Variants in PALD1 observed in about 807,000 individuals in gnomAD.
The protein encoded by PALD1 is paladin.
A neutral mutation model predicts 96.0 loss-of-function variants in PALD1; 57 were observed. The ratio of observed to expected loss-of-function variants is 0.59; its 90% confidence interval spans 0.48 to 0.74. The LOEUF (loss-of-function observed/expected upper bound fraction) is 0.74. Ranked by LOEUF, PALD1 falls within the 30% of genes least tolerant of loss-of-function variation. The pLI is 0.00. For synonymous variants in PALD1, 464 were observed against 473.6 expected (o/e 0.98, Z 0.26); for missense variants, 1,063 against 1,143.7 (o/e 0.93, Z 1.02).
chr10:70,469,974 A>C, the PALD1 span, among the ~76,000 whole-genome samples: 2 of 152,008 alleles, frequency 1.3e-5, no homozygotes, highest in East Asian at 3.9e-4. Context: ...TTGTATTTTT[A>C]GTAGGAACAG....
At chr10:70,510,538 A>G (rs115259156) in intron 1 of PALD1, among the ~76,000 whole-genome samples, 1 of 152,306 alleles carries the variant, frequency 6.6e-6, no homozygotes, top group African/African-American at 2.4e-5. Context: ...GACAGGAGCC[A>G]GCCTTTTTCA....
At chr10:70,489,751 A>C (rs1255540718) in intron 1 of PALD1, among the ~76,000 whole-genome samples, 2 of 152,038 alleles carry the variant, frequency 1.3e-5, no homozygotes, top group Non-Finnish European at 2.9e-5. Flanking sequence ...GTCTCACCAC[A>C]GTCTAATTTT....
At chr10:70,501,744 C>A (rs1846298771) in intron 1 of PALD1, among the ~76,000 whole-genome samples, 1 of 151,300 alleles carries the variant, frequency 6.6e-6, no homozygotes, top group Non-Finnish European at 1.5e-5. Context: ...CATCTGAGAT[C>A]CCATTTTTCA....
intron 12 of PALD1, 95 bp from the exon 13 acceptor site, chr10:70,538,797 C>T (rs752962831): frequency 9.7e-7 from 1 of 1,026,978 alleles, no homozygotes; most frequent in Non-Finnish European, 1.5e-6. Context: ...AGCTCGGGTT[C>T]CACCCCACCC....
the PALD1 span, among the ~76,000 whole-genome samples, chr10:70,462,325 G>A: frequency 1.3e-5 from 2 of 152,250 alleles, no homozygotes; most frequent in African/African-American, 4.8e-5. Flanking sequence ...TCCTAGTTGT[G>A]AGGCTTAGGC....
In PALD1 at chr10:70,566,694, C is replaced by T; in HGVS notation, c.2532C>T (p.Ser844=). The change falls in exon 20 of 20, where the codon AGC becomes AGT. Residue 844 remains serine (S), a synonymous_variant. Coordinates refer to ENST00000263563, the MANE Select transcript of PALD1 (RefSeq NM_014431.3). ...SRLRYRWQEQ[S]CSLEPSAPED... is the part of the protein sequence containing the mutation. Reference sequence around the variant, plus strand: ...TGCGCTACCGGTGGCAGGAGCAGAGCTGCAGCCTCGAGCCCTCTGCCCCCG... The same window carrying T: ...TGCGCTACCGGTGGCAGGAGCAGAGTTGCAGCCTCGAGCCCTCTGCCCCCG... The T allele has an allele frequency of 6.2e-7, 1 of 1,606,568 alleles. No homozygotes were observed. Among genetic ancestry groups the T allele is most frequent in the Non-Finnish European group, 8.5e-7 (1 of 1,177,918 alleles).
the PALD1 span, among the ~76,000 whole-genome samples, chr10:70,470,377 A>G: frequency 6.6e-6 from 1 of 151,756 alleles, no homozygotes; most frequent in Non-Finnish European, 1.5e-5. Flanking sequence ...GGTGTAAAAA[A>G]CTCAACTATG....
At chr10:70,469,538 G>A in the PALD1 span, among the ~76,000 whole-genome samples, 10 of 152,192 alleles carry the variant, frequency 6.6e-5, no homozygotes, top group South Asian at 2.1e-4. Context: ...AGAGGTGAGC[G>A]GGCTGATAAG....
chr10:70,526,811 A>G (rs189048812), intron 2 of PALD1, among the ~76,000 whole-genome samples: 1 of 152,284 alleles, frequency 6.6e-6, no homozygotes, highest in East Asian at 1.9e-4. Context: ...TGTACTTTCC[A>G]CACCTCTGCC....
chr10:70,487,563 A>G (rs1846033544), intron 1 of PALD1, among the ~76,000 whole-genome samples: 1 of 152,072 alleles, frequency 6.6e-6, no homozygotes, highest in Non-Finnish European at 1.5e-5. Flanking sequence ...ATTTAGAGGC[A>G]TTTAGTATAG....
At chr10:70,548,405 C>T (rs538148309) in intron 18 of PALD1, among the ~76,000 whole-genome samples, 2 of 152,214 alleles carry the variant, frequency 1.3e-5, no homozygotes, top group Non-Finnish European at 2.9e-5. Context: ...CCCAATACTC[C>T]CTGCTCTGTT....
chr10:70,510,976 A>G (rs1589187173), intron 1 of PALD1, among the ~76,000 whole-genome samples: 2 of 151,988 alleles, frequency 1.3e-5, no homozygotes, highest in Admixed American at 1.3e-4. Context: ...CGTTCTGTGA[A>G]CCACACACTT....
chr10:70,541,067 C>A lies in PALD1; in HGVS notation c.1909-35C>A, dbSNP rs370084946. On this transcript the variant is annotated intron_variant, in intron 15 of 19. Transcript: ENST00000263563. ...TGTTGGGGTTTGTGCATCCAAGAGA[C>A]GCCCGCTGACCCAGACCTTGCTTTT... 6.3e-5 allele frequency: 98 copies of A among 1,551,626 alleles called. No individual in the cohort carries two copies. The East Asian group carries it at 1.1e-3, about 18-fold the overall frequency.
intron 9 of PALD1, 29 bp from the exon 10 acceptor site, chr10:70,534,710 C>T (rs769623416): frequency 1.3e-6 from 2 of 1,501,470 alleles, no homozygotes; most frequent in East Asian, 2.3e-5. Flanking sequence ...CCCCACCTCC[C>T]TCTTACTTGC....
At position 70,567,163 on chromosome 10, in the gene PALD1, T is replaced by G; in HGVS notation, c.*430T>G. On this transcript the variant is annotated 3_prime_UTR_variant, in exon 20 of 20. Transcript: ENST00000263563. ...GGCCACTGGTAGCTCCCCACTTCCTTACTCCTGCTGCTCTGCCATTGCCGC... is the reference window on the plus strand; with the variant it reads ...GGCCACTGGTAGCTCCCCACTTCCTGACTCCTGCTGCTCTGCCATTGCCGC... 6.1e-6 allele frequency: 1 copy of G among 163,902 alleles called. No homozygotes were observed. Among genetic ancestry groups the G allele is most frequent in the Non-Finnish European group, 1.3e-5 (1 of 76,144 alleles). The allele number at this position is 163,902 out of a possible 1,614,324, so 10.2% of individuals were successfully genotyped here.
At chr10:70,477,300 T>TA (rs1845841719), upstream of PALD1, among the ~76,000 whole-genome samples, 2 of 152,332 alleles carry the variant, frequency 1.3e-5, no homozygotes, top group South Asian at 4.1e-4. Flanking sequence ...GCTTCTCAAA[T>TA]ACCTCTTTGA....
chr10:70,462,199 A>G, the PALD1 span, among the ~76,000 whole-genome samples: 1 of 152,246 alleles, frequency 6.6e-6, no homozygotes, highest in Non-Finnish European at 1.5e-5. Flanking sequence ...CAGAGCTCAG[A>G]AAACAAATGA....
intron 1 of PALD1, among the ~76,000 whole-genome samples, chr10:70,483,572 G>A (rs904281510): frequency 6.6e-6 from 1 of 152,162 alleles, no homozygotes; most frequent in East Asian, 1.9e-4. Flanking sequence ...CATGGGAGGG[G>A]AGAGGGGTGG....
At chr10:70,481,405 C>T (rs1845930046) in intron 1 of PALD1, among the ~76,000 whole-genome samples, 1 of 152,202 alleles carries the variant, frequency 6.6e-6, no homozygotes, top group African/African-American at 2.4e-5. Flanking sequence ...TATTTCTAGA[C>T]TCTCACTTTG....
Sources: gnomAD v4.1 joint callset for allele counts (sites outside exome capture counted in the v4.1 genomes callset) on GRCh38, gnomAD v4.1.1 for gene constraint, MANE v1.5 for transcripts, NCBI Gene and HGNC (gene_info 2026-07-23, HGNC 2026-07-21) for gene names.